The following GABPB2 variants were observed in gnomAD, a reference collection of about 807,000 sequenced individuals.
GABPB2 encodes the protein GA-binding protein subunit beta-2.
In GABPB2, 23 loss-of-function variants were observed where a neutral mutation model predicts 39.1. The ratio of observed to expected loss-of-function variants is 0.59; its 90% CI spans 0.42 to 0.83. GABPB2 has a LOEUF of 0.83. Ranked by LOEUF, GABPB2 falls within the 40% of genes least tolerant of loss-of-function variation. The pLI, the probability that GABPB2 is intolerant of heterozygous loss-of-function variation, is 0.00. For synonymous variants in GABPB2, 184 were observed against 199.3 expected, an observed-to-expected ratio of 0.92 and a Z score of 0.65; for missense variants, 467 against 541.1, an observed-to-expected ratio of 0.86 and a Z score of 1.36.
In GABPB2 at chr1:151,119,272, C is replaced by T. The variant is rs1033876221; in HGVS notation, c.*1016C>T. On this transcript the variant is annotated 3_prime_UTR_variant, in exon 9 of 9. Coordinates refer to ENST00000368918, the MANE Select transcript of GABPB2 (RefSeq NM_144618.3). ...GCAGTGAGCCATGGTTGCACCACTG[C>T]TCTCCAGGCTTGAGTGACAGAGCAA... The T allele has an allele frequency of 9.2e-5, 14 of 152,188 alleles. No individual in the cohort carries two copies. The highest frequency in any genetic ancestry group is 5.9e-5 in the Non-Finnish European group (4 of 68,118). The allele number at this position is 152,188 out of a possible 1,614,324, so 9.4% of individuals were successfully genotyped here. A position where few individuals can be genotyped will look rare whatever the true frequency, so the allele number is the denominator to read the frequency against.
At chr1:151,085,053 C>T (rs939130883) in intron 1 of GABPB2, among the ~76,000 whole-genome samples, 5 of 151,658 alleles carry the variant, frequency 3.3e-5, no homozygotes, top group African/African-American at 1.2e-4. Flanking sequence ...GCTGTGATCA[C>T]GGCACTGCAC....
At chr1:151,095,824 A>G (rs758769312) in intron 4 of GABPB2, among the ~76,000 whole-genome samples, 68 of 152,226 alleles carry the variant, frequency 4.5e-4, no homozygotes, top group Non-Finnish European at 7.8e-4. Flanking sequence ...CCCTGAGGTC[A>G]GGACTTCAAG....
intron 1 of GABPB2, among the ~76,000 whole-genome samples, chr1:151,083,334 A>G (rs1182100351): frequency 6.6e-6 from 1 of 152,214 alleles, no homozygotes; most frequent in African/African-American, 2.4e-5. Flanking sequence ...ATAATTGGCA[A>G]TAAATACTGT....
intron 3 of GABPB2, 139 bp from the exon 4 acceptor site, chr1:151,093,053 T>C: frequency 1.7e-6 from 1 of 600,140 alleles, no homozygotes; most frequent in Non-Finnish European, 2.6e-6. Flanking sequence ...TGAGAAATGT[T>C]TTTCCCTTTG....
In GABPB2 at chr1:151,121,826, G is replaced by A. The variant is rs1173387591; in HGVS notation, c.*3570G>A. On this transcript the variant is annotated 3_prime_UTR_variant, in exon 9 of 9. Transcript: ENST00000368918. ...ATGGAGAGAGAGAGGTTATGAACAGGTTATGTTACAGAGGTTATTGCCTTT... is the reference window on the plus strand; with the variant it reads ...ATGGAGAGAGAGAGGTTATGAACAGATTATGTTACAGAGGTTATTGCCTTT... 2 of 152,100 alleles carry A rather than the reference G, an allele frequency of 1.3e-5. No individual in the cohort carries two copies. Among genetic ancestry groups the A allele is most frequent in the East Asian group, 3.9e-4 (2 of 5,190 alleles). 9.4% of individuals were successfully genotyped at this position (152,100 alleles called of 1,614,324 possible). A position where few individuals can be genotyped will look rare whatever the true frequency, so the allele number is the denominator to read the frequency against.
chr1:151,075,715 AC>A (rs200243260), intron 1 of GABPB2, among the ~76,000 whole-genome samples: 1 of 145,458 alleles, frequency 6.9e-6, no homozygotes, highest in African/African-American at 2.4e-5. Flanking sequence ...TCTCAAAAAA[AC>A]CCCCCCCAAA....
chr1:151,089,498 T>G (rs764992139), intron 2 of GABPB2, among the ~76,000 whole-genome samples: 1 of 152,156 alleles, frequency 6.6e-6, no homozygotes, highest in African/African-American at 2.4e-5. Context: ...GATACATCAT[T>G]GCTAAATTTT....
At chr1:151,089,901 T>C (rs1678523562) in intron 2 of GABPB2, among the ~76,000 whole-genome samples, 1 of 152,096 alleles carries the variant, frequency 6.6e-6, no homozygotes, top group Admixed American at 6.6e-5. Flanking sequence ...TTAGTACTTA[T>C]TCAATTGGTG....
At chr1:151,073,708 T>C (rs1158924432) in intron 1 of GABPB2, among the ~76,000 whole-genome samples, 3 of 151,796 alleles carry the variant, frequency 2.0e-5, no homozygotes, top group Non-Finnish European at 4.4e-5. Context: ...GATCACAAGG[T>C]CAGGAGTTCA....
chr1:151,081,696 G>T (rs949716828), intron 1 of GABPB2, among the ~76,000 whole-genome samples: 2 of 151,392 alleles, frequency 1.3e-5, no homozygotes, highest in Non-Finnish European at 2.9e-5. Context: ...GTGCAGTGGC[G>T]TGACCTTGGC....
In GABPB2 at chr1:151,080,215, C is replaced by CAAAAA. The variant is rs57351502; in HGVS notation, c.1-7950_1-7946dup. On this transcript the variant is annotated intron_variant, in intron 1 of 8. Coordinates refer to ENST00000368918, the MANE Select transcript of GABPB2 (RefSeq NM_144618.3). ...GGGCAACAAGAGCCAAACTCCATCT[C>CAAAAA]AAAAAAAAAAAAAAAAAAAAAAAAA... Among the ~76,000 whole-genome samples, 36 of 29,982 alleles carry CAAAAA rather than the reference C, an allele frequency of 1.2e-3. 1 individual carries two copies. Among genetic ancestry groups the CAAAAA allele is most frequent in the Non-Finnish European group, 2.5e-3 (31 of 12,328 alleles). The allele number at this position is 29,982 out of a possible 152,430, so 19.7% of individuals were successfully genotyped here.
chr1:151,093,501 T>G, intron 4 of GABPB2, 115 bp downstream of exon 4: 1 of 681,496 alleles, frequency 1.5e-6, no homozygotes, highest in East Asian at 2.9e-5. Flanking sequence ...ACTTCTAATA[T>G]GTCTCAATCT....
At chr1:151,088,870 C>T (rs906866451) in intron 2 of GABPB2, among the ~76,000 whole-genome samples, 1 of 152,100 alleles carries the variant, frequency 6.6e-6, no homozygotes, top group African/African-American at 2.4e-5. Context: ...CATGGTGGCG[C>T]ACGCCTGTAA....
chr1:151,076,179 A>G (rs1677155082), intron 1 of GABPB2, among the ~76,000 whole-genome samples: 1 of 152,236 alleles, frequency 6.6e-6, no homozygotes, highest in Admixed American at 6.5e-5. Flanking sequence ...AAATAAGCAA[A>G]ACTATCCCAA....
intron 7 of GABPB2, 149 bp downstream of exon 7, chr1:151,107,371 C>T (rs1006126035): frequency 1.9e-5 from 9 of 461,588 alleles, no homozygotes; most frequent in South Asian, 7.1e-5. Flanking sequence ...GAAAAAGAAA[C>T]GGAACCAGAC....
intron 1 of GABPB2, among the ~76,000 whole-genome samples, chr1:151,074,716 A>G (rs1294573861): frequency 6.6e-6 from 1 of 152,108 alleles, no homozygotes. Flanking sequence ...AGCAGAGAGA[A>G]CAACCAGAGG....
In GABPB2 at chr1:151,118,404, CTG is replaced by C. The variant is rs1681048701; in HGVS notation, c.*151_*152del. On this transcript the variant is annotated 3_prime_UTR_variant, in exon 9 of 9. Coordinates refer to ENST00000368918, the MANE Select transcript of GABPB2 (RefSeq NM_144618.3). Reference sequence around the variant, plus strand: ...CAATGCTTGGGCTCAGGAAGTTTCTCTGTGCAACTAGAAAATTCAAAGCCATA... The same window carrying C: ...CAATGCTTGGGCTCAGGAAGTTTCTCTGCAACTAGAAAATTCAAAGCCATA... The C allele has an allele frequency of 1.4e-6, 1 of 727,254 alleles. No individual in the cohort carries two copies. Among genetic ancestry groups the C allele is most frequent in the Non-Finnish European group, 2.1e-6 (1 of 469,970 alleles). The allele number at this position is 727,254 out of a possible 1,614,324, so 45.1% of individuals were successfully genotyped here. A position where few individuals can be genotyped will look rare whatever the true frequency, so the allele number is the denominator to read the frequency against.
chr1:151,116,280 A>C (rs1680852441), intron 7 of GABPB2, among the ~76,000 whole-genome samples: 1 of 151,276 alleles, frequency 6.6e-6, no homozygotes, highest in South Asian at 2.1e-4. Flanking sequence ...AATCCCAGCT[A>C]TTTGGGAGGC....
At chr1:151,105,091 G>C (rs2101542146) in intron 6 of GABPB2, among the ~76,000 whole-genome samples, 1 of 152,058 alleles carries the variant, frequency 6.6e-6, no homozygotes, top group South Asian at 2.1e-4. Flanking sequence ...ATTTTTAGTA[G>C]AGATGAGGTT....
Sources: gnomAD v4.1 joint callset for allele counts (sites outside exome capture counted in the v4.1 genomes callset) on GRCh38, gnomAD v4.1.1 for gene constraint, MANE v1.5 for transcripts, NCBI Gene and HGNC (gene_info 2026-07-23, HGNC 2026-07-21) for gene names.